The following ARHGAP15 variants were observed in gnomAD, a reference collection of about 807,000 sequenced individuals.
ARHGAP15 encodes rho GTPase-activating protein 15.
Under a neutral mutation model 63.7 loss-of-function variants are expected in ARHGAP15, and 51 were observed. The ratio of observed to expected loss-of-function variants is 0.80; its 90% CI spans 0.64 to 1.01. The LOEUF is 1.01. Ranked by LOEUF, ARHGAP15 falls within the 50% of genes least tolerant of loss-of-function variation. The pLI is 0.00. For missense variants in ARHGAP15, 560 were observed against 564.6 expected (o/e 0.99, Z 0.08); for synonymous variants, 191 against 193.8 (o/e 0.99, Z 0.12).
intron 6 of ARHGAP15, among the ~76,000 whole-genome samples, chr2:143,390,725 ACACATG>A (rs1452035686): frequency 4.5e-5 from 2 of 44,282 alleles, no homozygotes; most frequent in Admixed American, 3.8e-4. Context: ...CCCTTGGAAA[ACACATG>A]CACACACACA....
intron 6 of ARHGAP15, among the ~76,000 whole-genome samples, chr2:143,260,574 A>G (rs1259201424): frequency 6.6e-6 from 1 of 152,174 alleles, no homozygotes; most frequent in African/African-American, 2.4e-5. Context: ...TAAAAGTCAG[A>G]TAACAAAGAA....
chr2:143,636,447 T>C (rs1245670905), intron 12 of ARHGAP15, among the ~76,000 whole-genome samples: 1 of 152,082 alleles, frequency 6.6e-6, no homozygotes, highest in Non-Finnish European at 1.5e-5. Flanking sequence ...CCTGAACAAA[T>C]ATTAGACCCA....
At chr2:143,258,647 G>A (rs1454274217) in intron 6 of ARHGAP15, among the ~76,000 whole-genome samples, 1 of 152,110 alleles carries the variant, frequency 6.6e-6, no homozygotes, top group African/African-American at 2.4e-5. Context: ...TTGAGAGGTG[G>A]CCTAAGTGAA....
intron 1 of ARHGAP15, among the ~76,000 whole-genome samples, chr2:143,129,967 T>G (rs765918078): frequency 6.6e-6 from 1 of 152,132 alleles, no homozygotes; most frequent in Non-Finnish European, 1.5e-5. Flanking sequence ...TGTAGCTAAT[T>G]AAAAAGCAAG....
chr2:143,727,115 T>C (rs1352785524), intron 13 of ARHGAP15, among the ~76,000 whole-genome samples: 2 of 152,160 alleles, frequency 1.3e-5, no homozygotes. Flanking sequence ...AGGCTGTACT[T>C]GTATGCAAAA....
chr2:143,221,350 C>T (rs1692991557), intron 4 of ARHGAP15, among the ~76,000 whole-genome samples: 1 of 152,000 alleles, frequency 6.6e-6, no homozygotes, highest in South Asian at 2.1e-4. Context: ...AAATTATTGG[C>T]TATATTTGAC....
At chr2:143,466,380 G>A (rs1485239311) in intron 8 of ARHGAP15, among the ~76,000 whole-genome samples, 1 of 150,942 alleles carries the variant, frequency 6.6e-6, no homozygotes, top group Non-Finnish European at 1.5e-5. Flanking sequence ...TCATGGAAAA[G>A]ACAGCTTGGG....
chr2:143,668,220 T>A (rs914865589), intron 12 of ARHGAP15, among the ~76,000 whole-genome samples: 1 of 152,128 alleles, frequency 6.6e-6, no homozygotes, highest in Non-Finnish European at 1.5e-5. Flanking sequence ...CTTGACAATA[T>A]GTTGATGTAA....
chr2:143,657,886 C>T (rs1346613109), intron 12 of ARHGAP15, among the ~76,000 whole-genome samples: 2 of 152,176 alleles, frequency 1.3e-5, no homozygotes, highest in Non-Finnish European at 1.5e-5. Context: ...ATTTCAGTAC[C>T]TCAGTCCTTC....
At chr2:143,748,137 GTCTT>G (rs1206572119) in intron 13 of ARHGAP15, among the ~76,000 whole-genome samples, 5 of 152,318 alleles carry the variant, frequency 3.3e-5, no homozygotes, top group Admixed American at 2.0e-4. Context: ...TAGAGGTCAT[GTCTT>G]TCTTTTTCTC....
At chr2:143,472,176 A>G (rs1203973495) in intron 8 of ARHGAP15, among the ~76,000 whole-genome samples, 1 of 152,292 alleles carries the variant, frequency 6.6e-6, no homozygotes, top group South Asian at 2.1e-4. Context: ...ATAAGGTAAC[A>G]TTGTTCCACA....
intron 6 of ARHGAP15, among the ~76,000 whole-genome samples, chr2:143,359,597 A>G (rs1183155572): frequency 6.6e-6 from 1 of 152,222 alleles, no homozygotes; most frequent in Non-Finnish European, 1.5e-5. Context: ...AAAAATGTAG[A>G]AGCTTCTTTC....
At chr2:143,640,310 C>T (rs1165615329) in intron 12 of ARHGAP15, among the ~76,000 whole-genome samples, 1 of 151,894 alleles carries the variant, frequency 6.6e-6, no homozygotes, top group Admixed American at 6.6e-5. Context: ...AAGAGGGTGG[C>T]GAGAAGGTGA....
chr2:143,610,183 A>G (rs1698198254), intron 11 of ARHGAP15, among the ~76,000 whole-genome samples: 1 of 152,124 alleles, frequency 6.6e-6, no homozygotes, highest in African/African-American at 2.4e-5. Flanking sequence ...TAGAAAACTT[A>G]GTGTTTAAAA....
At chr2:143,556,575 T>A (rs985832984) in intron 11 of ARHGAP15, 90 bp downstream of exon 11, 2 of 891,764 alleles carry the variant, frequency 2.2e-6, no homozygotes, top group African/African-American at 3.4e-5. Context: ...TGAATAATAA[T>A]AAAACTTTAA....
At chr2:143,606,295 T>C (rs1389520960) in intron 11 of ARHGAP15, among the ~76,000 whole-genome samples, 1 of 152,176 alleles carries the variant, frequency 6.6e-6, no homozygotes, top group Non-Finnish European at 1.5e-5. Flanking sequence ...GTTATTTCAT[T>C]GAACTTCCAT....
chr2:143,674,602 G>A (rs73961830), intron 12 of ARHGAP15, among the ~76,000 whole-genome samples: 45 of 152,128 alleles, frequency 3.0e-4, no homozygotes, highest in African/African-American at 1.1e-3. Context: ...GAGATTGTGG[G>A]GTCAATTTCA....
chr2:143,374,437 A>C (rs1372545729), intron 6 of ARHGAP15, among the ~76,000 whole-genome samples: 1 of 152,108 alleles, frequency 6.6e-6, no homozygotes, highest in Non-Finnish European at 1.5e-5. Flanking sequence ...TTGGACAATA[A>C]GAGTAATTTT....
intron 11 of ARHGAP15, among the ~76,000 whole-genome samples, chr2:143,580,983 A>G (rs1286646779): frequency 1.3e-5 from 2 of 152,188 alleles, no homozygotes; most frequent in East Asian, 3.8e-4. Flanking sequence ...TAAGTTTTGA[A>G]CAGTAGTATC....
Sources: allele counts gnomAD v4.1 joint callset (sites outside exome capture counted in the v4.1 genomes callset), GRCh38; gene constraint gnomAD v4.1.1; transcripts MANE v1.5; gene names NCBI Gene and HGNC (gene_info 2026-07-23, HGNC 2026-07-21).